The following F13A1 variants were observed in gnomAD, a reference collection of about 807,000 sequenced individuals.
The protein encoded by F13A1 is FSF, A subunit.
Under a neutral mutation model 80.1 loss-of-function variants are expected in F13A1, and 47 were observed. That is an observed-to-expected ratio of 0.59 (90% CI 0.46 to 0.75). The LOEUF (loss-of-function observed/expected upper bound fraction) is 0.75, where lower values mean the gene tolerates loss of function less well. Among genes scored for constraint, F13A1 ranks in the 30% least tolerant of loss-of-function variants. The pLI, the probability that F13A1 is intolerant of heterozygous loss-of-function variation, is 0.00. For synonymous variants in F13A1, 349 were observed against 344.9 expected (o/e 1.01, Z -0.13); for missense variants, 817 against 930.4 (o/e 0.88, Z 1.59).
chr6:6,210,972 C>A (rs3024425), intron 8 of F13A1, among the ~76,000 whole-genome samples: 38,851 of 151,948 alleles, frequency 0.26, 5,363 homozygotes, highest in Middle Eastern at 0.41. Context: ...CTCAAGTGAT[C>A]CTCCTGCATC....
chr6:6,186,588 A>G (rs984410368), intron 10 of F13A1, among the ~76,000 whole-genome samples: 40 of 152,076 alleles, frequency 2.6e-4, no homozygotes, highest in Non-Finnish European at 5.0e-4. Flanking sequence ...CTATATCTCT[A>G]TTTTGGTACC....
intron 13 of F13A1, among the ~76,000 whole-genome samples, chr6:6,161,399 C>T (rs1760570469): frequency 1.3e-5 from 2 of 152,110 alleles, no homozygotes; most frequent in Non-Finnish European, 2.9e-5. Flanking sequence ...TGCATTCTCA[C>T]AAACATTGCT....
intron 1 of F13A1, among the ~76,000 whole-genome samples, chr6:6,320,144 G>A (rs1446788558): frequency 6.6e-6 from 1 of 152,008 alleles, no homozygotes; most frequent in Non-Finnish European, 1.5e-5. Flanking sequence ...CTCCAAATTG[G>A]GACGGAGGCA....
intron 8 of F13A1, among the ~76,000 whole-genome samples, chr6:6,204,589 G>A (rs1002311095): frequency 6.6e-6 from 1 of 152,176 alleles, no homozygotes; most frequent in Admixed American, 6.5e-5. Flanking sequence ...CCATTTCAGG[G>A]GCAGTGGGGA....
intron 2 of F13A1, among the ~76,000 whole-genome samples, chr6:6,316,127 A>G (rs1429564506): frequency 1.7e-5 from 1 of 60,146 alleles, no homozygotes; most frequent in Non-Finnish European, 3.0e-5. Context: ...ATATATATAT[A>G]TATATATATA....
chr6:6,173,889 T>C (rs2151074753), intron 12 of F13A1, among the ~76,000 whole-genome samples: 1 of 152,240 alleles, frequency 6.6e-6, no homozygotes, highest in East Asian at 1.9e-4. Flanking sequence ...CTTGGGATCT[T>C]GTCAAAACAT....
intron 14 of F13A1, among the ~76,000 whole-genome samples, chr6:6,146,013 C>T (rs905158564): frequency 1.1e-4 from 17 of 152,090 alleles, no homozygotes; most frequent in African/African-American, 3.4e-4. Flanking sequence ...GGGATGCATC[C>T]GCCAGCCTCC....
intron 13 of F13A1, among the ~76,000 whole-genome samples, chr6:6,160,318 T>C (rs185616976): frequency 2.0e-5 from 3 of 151,188 alleles, no homozygotes; most frequent in African/African-American, 4.9e-5. Flanking sequence ...CACTGTTGAA[T>C]TTTTCTCTGA....
chr6:6,185,096 T>A (rs1761054619), intron 10 of F13A1, among the ~76,000 whole-genome samples: 1 of 151,930 alleles, frequency 6.6e-6, no homozygotes, highest in African/African-American at 2.4e-5. Flanking sequence ...GGACTTAGGC[T>A]GTGTGGCTCT....
At chr6:6,228,328 T>C (rs928325810) in intron 6 of F13A1, among the ~76,000 whole-genome samples, 15 of 152,164 alleles carry the variant, frequency 9.9e-5, no homozygotes, top group African/African-American at 3.6e-4. Flanking sequence ...ATGAGGACTA[T>C]GGAGTAAAGC....
At chr6:6,277,767 A>G (rs1227856088) in intron 3 of F13A1, among the ~76,000 whole-genome samples, 1 of 152,250 alleles carries the variant, frequency 6.6e-6, no homozygotes, top group Admixed American at 6.5e-5. Context: ...ACTGAAGCAC[A>G]TATAAATGTT....
chr6:6,289,497 T>C (rs1758191969), intron 3 of F13A1, among the ~76,000 whole-genome samples: 1 of 150,608 alleles, frequency 6.6e-6, no homozygotes, highest in Non-Finnish European at 1.5e-5. Context: ...TAAACATAAG[T>C]TCCTTTGGGG....
chr6:6,317,710 G>C (rs1336066703), intron 2 of F13A1, among the ~76,000 whole-genome samples: 1 of 152,020 alleles, frequency 6.6e-6, no homozygotes, highest in African/African-American at 2.4e-5. Flanking sequence ...CCAGCAAATA[G>C]GTGTTTATCC....
At chr6:6,230,742 A>T (rs1757340211) in intron 6 of F13A1, among the ~76,000 whole-genome samples, 1 of 152,164 alleles carries the variant, frequency 6.6e-6, no homozygotes. Context: ...GCTGAGAGGG[A>T]CCCAGAGATG....
chr6:6,203,149 G>C (rs567289203), intron 8 of F13A1, among the ~76,000 whole-genome samples: 100 of 152,352 alleles, frequency 6.6e-4, no homozygotes, highest in African/African-American at 2.3e-3. Flanking sequence ...TAAAAATGCA[G>C]ATCTATATTG....
chr6:6,320,427 C>T (rs1758759142), intron 1 of F13A1, among the ~76,000 whole-genome samples, 160 bp downstream of exon 1: 1 of 152,160 alleles, frequency 6.6e-6, no homozygotes, highest in Non-Finnish European at 1.5e-5. Flanking sequence ...TGGGCAGGTG[C>T]GGAGTTGGGG....
At position 6,167,624 on chromosome 6, in the gene F13A1, A is replaced by G; in HGVS notation, c.1748-6T>C. ...CAGCACCGCCTCTTTCTTGACTAGT[A>G]GGAGAAAACACACACAGGCCTGGCA... On this transcript the variant is annotated splice_polypyrimidine_tract_variant and splice_region_variant and intron_variant, in intron 12 of 14. Transcript: ENST00000264870. 6.2e-7 allele frequency: 1 copy of G among 1,613,020 alleles called. No individual in the cohort carries two copies. Among genetic ancestry groups the G allele is most frequent in the South Asian group, 1.1e-5 (1 of 90,992 alleles).
rs2274392 is a variant in F13A1 at position 6,195,613 on chromosome 6, T to C, written c.1305+184A>G. On this transcript the variant is annotated intron_variant, in intron 10 of 14. Transcript: ENST00000264870. ...TCCCAAAACATCAAGGAAAGAAAAA[T>C]GTTAAACAAGAACTGCATTTAGCAT... is the stretch of plus-strand genomic sequence containing the variant. Among the ~76,000 whole-genome samples the C allele has an allele frequency of 2.6e-5, 4 of 152,248 alleles. No individual in the cohort carries two copies. In the East Asian group the frequency reaches 7.7e-4, roughly 29 times the overall value.
At chr6:6,313,357 T>C (rs944829306) in intron 2 of F13A1, among the ~76,000 whole-genome samples, 8 of 151,016 alleles carry the variant, frequency 5.3e-5, no homozygotes, top group African/African-American at 2.0e-4. Flanking sequence ...GCTTTCAAAC[T>C]GTCTACCTAA....
Sources: gnomAD v4.1 joint callset for allele counts (sites outside exome capture counted in the v4.1 genomes callset) on GRCh38, gnomAD v4.1.1 for gene constraint, MANE v1.5 for transcripts, NCBI Gene and HGNC (gene_info 2026-07-23, HGNC 2026-07-21) for gene names.